Variants in CARS1 observed in about 807,000 individuals in gnomAD.
The protein encoded by CARS1 is cysteine--tRNA ligase, cytoplasmic.
In CARS1, 48 loss-of-function variants were observed where a neutral mutation model predicts 106.2. That is an observed-to-expected ratio of 0.45 (90% CI 0.36 to 0.57). The LOEUF (loss-of-function observed/expected upper bound fraction) is 0.57, where lower values mean the gene tolerates loss of function less well. CARS1 is among the 20% of genes least tolerant of loss of function. The probability of loss-of-function intolerance (pLI) is 0.00; values close to 1 mark genes in which losing one functional copy is unlikely to be tolerated. For synonymous variants in CARS1, 409 were observed against 403.4 expected (o/e 1.01, Z -0.17); for missense variants, 968 against 1,057.2 (o/e 0.92, Z 1.17).
At chr11:3,047,096 T>A (rs966452784) in intron 2 of CARS1, among the ~76,000 whole-genome samples, 1 of 151,800 alleles carries the variant, frequency 6.6e-6, no homozygotes, top group Admixed American at 6.6e-5. Flanking sequence ...GCTAACACGG[T>A]GAAACCCCGT....
chr11:3,025,452 T>C (rs1312341630), intron 10 of CARS1, among the ~76,000 whole-genome samples: 1 of 152,190 alleles, frequency 6.6e-6, no homozygotes, highest in Non-Finnish European at 1.5e-5. Flanking sequence ...GGTCTCGAAC[T>C]CCCAACCTCA....
rs1370168837 is a variant in CARS1 at position 3,019,697 on chromosome 11, C to A, written c.1267-430G>T. ...GCACTCCAGCCTGGTGACAGAGTGA[C>A]ACTCTGTCTCAAAAAAAAAAAAAAG... is the stretch of plus-strand genomic sequence containing the variant. On this transcript the variant is annotated intron_variant, in intron 11 of 22. Coordinates refer to ENST00000380525, the MANE Select transcript of CARS1 (RefSeq NM_001014437.3). This position sits in a 1 kb window ranked among gnomAD's most constrained non-coding sequence, Gnocchi z 6.2. 6.7e-6 allele frequency among the ~76,000 whole-genome samples: 1 copy of A among 149,404 alleles called. No homozygotes were observed. The highest frequency in any genetic ancestry group is 1.5e-5 in the Non-Finnish European group (1 of 67,368).
intron 20 of CARS1, among the ~76,000 whole-genome samples, chr11:3,002,860 A>G (rs1355852398): frequency 6.6e-6 from 1 of 152,204 alleles, no homozygotes; most frequent in Non-Finnish European, 1.5e-5. Context: ...CAGCAGGCAG[A>G]CAAACAGAAC....
In CARS1 at chr11:3,029,697, A is replaced by G. The variant is rs1852512022; in HGVS notation, c.802-254T>C. On this transcript the variant is annotated intron_variant, in intron 7 of 22. Transcript: ENST00000380525. The surrounding 1 kb of genome is among the most constrained non-coding windows in gnomAD (Gnocchi z 5.9). The stretch of plus-strand genomic sequence containing the variant: ...CCAAGGGGACTGTGGGTGCAGAGGC[A>G]AAAAGAGGTGGGAGGGCCGAGGTGG... The G allele has an allele frequency of 2.0e-6, 1 of 509,354 alleles. No individual in the cohort carries two copies. Among genetic ancestry groups the G allele is most frequent in the Non-Finnish European group, 3.5e-6 (1 of 288,702 alleles). 31.6% of individuals were successfully genotyped at this position (509,354 alleles called of 1,614,324 possible).
chr11:3,054,038 C>T (rs1404642817), intron 1 of CARS1, among the ~76,000 whole-genome samples: 2 of 152,140 alleles, frequency 1.3e-5, no homozygotes, highest in East Asian at 1.9e-4. Context: ...GAAAGGGGAC[C>T]GGAAAAAGCC....
At position 3,046,337 on chromosome 11, in the gene CARS1, C is replaced by T. The variant is rs1427754019; in HGVS notation, c.274+1416G>A. On this transcript the variant is annotated intron_variant, in intron 2 of 22. Transcript: ENST00000380525. The surrounding 1 kb of genome is among the most constrained non-coding windows in gnomAD (Gnocchi z 5.8). Reference sequence around the variant, plus strand: ...CTTCACCCTCCCTAATCCTGCCCCCCTCTGGCTGTGTCTTGGAATGGCACA... The same window carrying T: ...CTTCACCCTCCCTAATCCTGCCCCCTTCTGGCTGTGTCTTGGAATGGCACA... Among the ~76,000 whole-genome samples, 1 of 152,216 alleles carries T rather than the reference C, an allele frequency of 6.6e-6. No homozygotes were observed. The highest frequency in any genetic ancestry group is 1.5e-5 in the Non-Finnish European group (1 of 68,040).
rs1255598828 is a variant in CARS1, at chr11:3,050,615, C to T, written c.26-2614G>A. 6.6e-6 allele frequency among the ~76,000 whole-genome samples: 1 copy of T among 152,220 alleles called. No individual in the cohort carries two copies. The highest frequency in any genetic ancestry group is 2.4e-5 in the African/African-American group (1 of 41,454). On this transcript the variant is annotated intron_variant, in intron 1 of 22. Transcript: ENST00000380525. The surrounding 1 kb of genome is among the most constrained non-coding windows in gnomAD (Gnocchi z 6.3). ...CACGTTCACATTACTGCCCCCAACA[C>T]CCACCTCGCCAGCAGCACAAGCCTG...
At chr11:3,002,107 G>C (rs964637470) in intron 21 of CARS1, 54 bp from the exon 22 acceptor site, 1 of 1,220,506 alleles carries the variant, frequency 8.2e-7, no homozygotes, top group Non-Finnish European at 1.2e-6. Context: ...CTGGGGCTCC[G>C]CACTGTGAAC....
chr11:3,029,223 G>T lies in CARS1; in HGVS notation c.942+80C>A. The T allele has an allele frequency of 6.5e-7, 1 of 1,536,654 alleles. No homozygotes were observed. Among genetic ancestry groups the T allele is most frequent in the Non-Finnish European group, 9.0e-7 (1 of 1,113,042 alleles). On this transcript the variant is annotated intron_variant, in intron 8 of 22. Transcript: ENST00000380525. This position sits in a 1 kb window ranked among gnomAD's most constrained non-coding sequence, Gnocchi z 5.9. ...AATGTTGACTTGGCCGCTTAATTGA[G>T]CTGGCCTTGCCAAAACAGGAATTTA...
rs1024969689 is a variant in CARS1, at chr11:3,042,592, G to A, written c.275-336C>T. ...CCCAATAACACCCTTAGAGCCCCAG[G>A]AGGGCGGAGGAATGCCTGCACAGCG... On this transcript the variant is annotated intron_variant, in intron 2 of 22. Coordinates refer to ENST00000380525, the MANE Select transcript of CARS1 (RefSeq NM_001014437.3). Among the ~76,000 whole-genome samples, 7 of 152,152 alleles carry A rather than the reference G, an allele frequency of 4.6e-5. 1 individual carries two copies. Among genetic ancestry groups the A allele is most frequent in the Non-Finnish European group, 1.5e-5 (1 of 68,030 alleles).
chr11:3,010,774 G>A (rs1190338686), intron 18 of CARS1, among the ~76,000 whole-genome samples: 3 of 151,634 alleles, frequency 2.0e-5, no homozygotes, highest in South Asian at 2.1e-4. Context: ...CGGCTCCTCC[G>A]CCTCTCGGCC....
In CARS1 at chr11:3,045,089, G is replaced by A. The variant is rs551635020; in HGVS notation, c.274+2664C>T. ...CCTTCCCGGGGGGTAGGGAGAGGCCGGCGGGCTGGAAGGGCTGAGCCTCCA... is the reference window on the plus strand; with the variant it reads ...CCTTCCCGGGGGGTAGGGAGAGGCCAGCGGGCTGGAAGGGCTGAGCCTCCA... On this transcript the variant is annotated intron_variant, in intron 2 of 22. Coordinates refer to ENST00000380525, the MANE Select transcript of CARS1 (RefSeq NM_001014437.3). This position sits in a 1 kb window ranked among gnomAD's most constrained non-coding sequence, Gnocchi z 5.6. 6.1e-4 allele frequency among the ~76,000 whole-genome samples: 93 copies of A among 152,092 alleles called. No individual in the cohort carries two copies. The highest frequency in any genetic ancestry group is 2.0e-3 in the African/African-American group (81 of 41,520).
chr11:3,047,266 G>A (rs540564037), intron 2 of CARS1, among the ~76,000 whole-genome samples: 9 of 124,198 alleles, frequency 7.2e-5, no homozygotes, highest in Non-Finnish European at 1.3e-4. Flanking sequence ...GATAGAGCGA[G>A]ACTCCATCTC....
chr11:3,017,376 C>G lies in CARS1; in HGVS notation c.1728-81G>C, dbSNP rs1380313466. 2 of 1,291,304 alleles carry G rather than the reference C, an allele frequency of 1.5e-6. No individual in the cohort carries two copies. Among genetic ancestry groups the G allele is most frequent in the African/African-American group, 2.9e-5 (2 of 68,664 alleles). The allele number at this position is 1,291,304 out of a possible 1,614,324, so 80.0% of individuals were successfully genotyped here. A position where few individuals can be genotyped will look rare whatever the true frequency, so the allele number is the denominator to read the frequency against. On this transcript the variant is annotated intron_variant, in intron 15 of 22. Coordinates refer to ENST00000380525, the MANE Select transcript of CARS1 (RefSeq NM_001014437.3). This position sits in a 1 kb window ranked among gnomAD's most constrained non-coding sequence, Gnocchi z 4.9. ...TTCCCCATGTGGCCAGGCGCAGTGG[C>G]TCACGCCTATAATCCCAGCACTTTG...
intron 7 of CARS1, among the ~76,000 whole-genome samples, chr11:3,035,807 C>T (rs1302941942): frequency 6.6e-6 from 1 of 152,182 alleles, no homozygotes; most frequent in Admixed American, 6.5e-5. Flanking sequence ...TCTGATATGG[C>T]TACTATGAAG....
chr11:3,019,034 A>C lies in CARS1; in HGVS notation c.1395+105T>G, dbSNP rs1269395338. On this transcript the variant is annotated intron_variant, in intron 12 of 22. Coordinates refer to ENST00000380525, the MANE Select transcript of CARS1 (RefSeq NM_001014437.3). The surrounding 1 kb of genome is among the most constrained non-coding windows in gnomAD (Gnocchi z 6.2). Reference sequence around the variant, plus strand: ...CCCACAAGCCCCGATGAAGGTGTCAAGTTCTAGTGAGAGAGGCCCTTCTGA... The same window carrying C: ...CCCACAAGCCCCGATGAAGGTGTCACGTTCTAGTGAGAGAGGCCCTTCTGA... 1.5e-6 allele frequency: 2 copies of C among 1,314,904 alleles called. No homozygotes were observed. Among genetic ancestry groups the C allele is most frequent in the African/African-American group, 1.5e-5 (1 of 67,852 alleles). 81.5% of individuals were successfully genotyped at this position (1,314,904 alleles called of 1,614,324 possible). A position where few individuals can be genotyped will look rare whatever the true frequency, so the allele number is the denominator to read the frequency against.
chr11:3,009,215 T>C (rs1850207831), intron 18 of CARS1: 1 of 152,296 alleles, frequency 6.6e-6, no homozygotes, highest in South Asian at 2.1e-4. Context: ...CATGGAAGAA[T>C]AGACAGATCA....
chr11:3,010,928 G>A (rs1406501746), intron 18 of CARS1, among the ~76,000 whole-genome samples: 1 of 152,194 alleles, frequency 6.6e-6, no homozygotes, highest in Non-Finnish European at 1.5e-5. Context: ...CTGCACAGAT[G>A]GGGACCAGGT....
intron 17 of CARS1, among the ~76,000 whole-genome samples, chr11:3,014,274 G>A (rs1012643791): frequency 6.6e-6 from 1 of 152,204 alleles, no homozygotes; most frequent in African/African-American, 2.4e-5. Context: ...TGGCTGTGTG[G>A]CGACACTGAG....
Sources: gnomAD v4.1 joint callset for allele counts (sites outside exome capture counted in the v4.1 genomes callset) on GRCh38, gnomAD v4.1.1 for gene constraint, Gnocchi (gnomAD v3.1) non-coding constraint, MANE v1.5 for transcripts, NCBI Gene and HGNC (gene_info 2026-07-23, HGNC 2026-07-21) for gene names.